Variants in ASPH observed in about 807,000 individuals in gnomAD.
ASPH encodes aspartate beta-hydroxylase.
In ASPH, 100 loss-of-function variants were observed where a neutral mutation model predicts 118.4. The ratio of observed to expected loss-of-function variants is 0.84; its 90% CI spans 0.72 to 1.00. ASPH has a LOEUF of 1.00. Ranked by LOEUF, ASPH falls within the 50% of genes least tolerant of loss-of-function variation. The pLI is 0.00. For missense variants in ASPH, 920 were observed against 919.5 expected (o/e 1.00, Z -0.01); for synonymous variants, 315 against 325.6 (o/e 0.97, Z 0.35).
At position 61,676,571 on chromosome 8, in the gene ASPH, C is replaced by T. The variant is rs181695973; in HGVS notation, c.322+4397G>A. Reference sequence around the variant, plus strand: ...AGCCCCTACCCAGGTTTACCTTTCTCTCATTAGAGTGTTGAGTTGAAAGAC... The same window carrying T: ...AGCCCCTACCCAGGTTTACCTTTCTTTCATTAGAGTGTTGAGTTGAAAGAC... On this transcript the variant is annotated intron_variant, in intron 3 of 24. Transcript: ENST00000379454. Among the ~76,000 whole-genome samples the T allele has an allele frequency of 1.6e-3, 250 of 152,190 alleles. 1 individual carries two copies. The highest frequency in any genetic ancestry group is 5.4e-3 in the African/African-American group (226 of 41,532).
intron 3 of ASPH, among the ~76,000 whole-genome samples, chr8:61,674,486 GCTTTAATAGTCA>G (rs949616015): frequency 6.6e-6 from 1 of 152,050 alleles, no homozygotes; most frequent in African/African-American, 2.4e-5. Flanking sequence ...ACAAACAAGA[GCTTTAATAGTCA>G]CTTTAATAGT....
At chr8:61,560,630 A>G (rs1829479155) in intron 18 of ASPH, among the ~76,000 whole-genome samples, 2 of 152,196 alleles carry the variant, frequency 1.3e-5, no homozygotes, top group South Asian at 2.1e-4. Flanking sequence ...ATTCAATTGA[A>G]TAATATCCTT....
chr8:61,564,567 G>C (rs907977384), intron 17 of ASPH, among the ~76,000 whole-genome samples: 2 of 152,174 alleles, frequency 1.3e-5, no homozygotes, highest in African/African-American at 4.8e-5. Flanking sequence ...CCAAAGTGCT[G>C]GGATTACAGG....
intron 1 of ASPH, among the ~76,000 whole-genome samples, chr8:61,686,206 T>C (rs1310888916): frequency 6.6e-6 from 1 of 152,202 alleles, no homozygotes; most frequent in African/African-American, 2.4e-5. Context: ...AAGCTGGCTA[T>C]ATAAAAACGT....
intron 2 of ASPH, chr8:61,682,570 A>G: frequency 1.6e-6 from 2 of 1,234,272 alleles, no homozygotes; most frequent in South Asian, 1.2e-5. Flanking sequence ...ACATTCCCTA[A>G]CAACATATCA....
intron 1 of ASPH, among the ~76,000 whole-genome samples, chr8:61,691,684 C>T (rs76115078): frequency 7.9e-5 from 12 of 152,290 alleles, no homozygotes; most frequent in East Asian, 5.8e-4. Flanking sequence ...ATTTGCTTCA[C>T]GGCTTCTCCA....
chr8:61,667,469 C>T (rs1199256005), intron 3 of ASPH, among the ~76,000 whole-genome samples: 2 of 152,100 alleles, frequency 1.3e-5, no homozygotes, highest in Non-Finnish European at 2.9e-5. Flanking sequence ...CGGGTTCAAG[C>T]GATTCTTCTG....
In ASPH at chr8:61,618,972, T is replaced by C; in HGVS notation, c.976+6A>G. The C allele has an allele frequency of 6.2e-7, 1 of 1,600,524 alleles. No homozygotes were observed. Among genetic ancestry groups the C allele is most frequent in the Non-Finnish European group, 8.6e-7 (1 of 1,169,184 alleles). On this transcript the variant is annotated splice_donor_region_variant and intron_variant, in intron 14 of 24. Coordinates refer to ENST00000379454, the MANE Select transcript of ASPH (RefSeq NM_004318.4). ...ATTTTAAAGGCTGTTTATTTGACAA[T>C]CTCACCTTTTGCTTTTTGTTCTGGA...
At chr8:61,609,738 T>G (rs1308626352) in intron 14 of ASPH, among the ~76,000 whole-genome samples, 2 of 152,194 alleles carry the variant, frequency 1.3e-5, no homozygotes, top group Admixed American at 1.3e-4. Context: ...ACCATTATAT[T>G]AGAAGAATGA....
At chr8:61,551,532 G>A (rs1485017549) in intron 20 of ASPH, among the ~76,000 whole-genome samples, 1 of 152,184 alleles carries the variant, frequency 6.6e-6, no homozygotes, top group Non-Finnish European at 1.5e-5. Context: ...TGATAATTAA[G>A]TTGGTAGAAC....
At chr8:61,513,944 A>G (rs1381080493) in intron 24 of ASPH, among the ~76,000 whole-genome samples, 1 of 152,074 alleles carries the variant, frequency 6.6e-6, no homozygotes, top group Non-Finnish European at 1.5e-5. Flanking sequence ...TGGGGAATGC[A>G]CCTACAAATG....
intron 3 of ASPH, among the ~76,000 whole-genome samples, chr8:61,662,077 T>A (rs956935552): frequency 6.6e-6 from 1 of 152,124 alleles, no homozygotes; most frequent in African/African-American, 2.4e-5. Context: ...AAAAATTTGA[T>A]GATGATGTAA....
intron 24 of ASPH, among the ~76,000 whole-genome samples, chr8:61,504,084 C>A (rs1331190598): frequency 2.6e-5 from 4 of 152,126 alleles, no homozygotes; most frequent in African/African-American, 7.2e-5. Context: ...AGTGGGTTAT[C>A]CATGGGATAT....
At chr8:61,584,683 T>C (rs909220248) in intron 14 of ASPH, among the ~76,000 whole-genome samples, 3 of 151,424 alleles carry the variant, frequency 2.0e-5, no homozygotes, top group African/African-American at 7.3e-5. Context: ...TTTCTTTTTT[T>C]TTTTCTGTAG....
chr8:61,658,979 G>C (rs1390846270), intron 3 of ASPH: 1 of 152,480 alleles, frequency 6.6e-6, no homozygotes, highest in Non-Finnish European at 1.5e-5. Flanking sequence ...AAGGTGATGA[G>C]TGCGATAACT....
At chr8:61,615,053 A>G (rs1848592776) in intron 14 of ASPH, among the ~76,000 whole-genome samples, 2 of 152,116 alleles carry the variant, frequency 1.3e-5, no homozygotes, top group African/African-American at 2.4e-5. Flanking sequence ...GAATCTCCCA[A>G]TGGCCATCTC....
At chr8:61,706,025 T>C (rs550906401) in intron 1 of ASPH, among the ~76,000 whole-genome samples, 1 of 152,262 alleles carries the variant, frequency 6.6e-6, no homozygotes, top group Non-Finnish European at 1.5e-5. Context: ...AATTTAAAAA[T>C]ACTATTGAAA....
intron 12 of ASPH, among the ~76,000 whole-genome samples, chr8:61,637,367 C>T (rs1858288725): frequency 6.6e-6 from 1 of 152,184 alleles, no homozygotes; most frequent in Middle Eastern, 3.2e-3. Flanking sequence ...TCCACGCTCC[C>T]TGTTTCTCAG....
At chr8:61,652,313 T>G (rs1450800585) in intron 4 of ASPH, among the ~76,000 whole-genome samples, 2 of 152,194 alleles carry the variant, frequency 1.3e-5, no homozygotes, top group Non-Finnish European at 2.9e-5. Context: ...TTAATGGCTA[T>G]CTTTGCCCAA....
Sources: allele counts gnomAD v4.1 joint callset (sites outside exome capture counted in the v4.1 genomes callset), GRCh38; gene constraint gnomAD v4.1.1; transcripts MANE v1.5; gene names NCBI Gene and HGNC (gene_info 2026-07-23, HGNC 2026-07-21).